The following IGSF9B variants were observed in gnomAD, a reference collection of about 807,000 sequenced individuals.
The protein encoded by IGSF9B is protein turtle homolog B.
IGSF9B carries 48 observed loss-of-function variants against 143.7 expected under a neutral mutation model. The ratio of observed to expected loss-of-function variants is 0.33; its 90% CI spans 0.26 to 0.42. The LOEUF (loss-of-function observed/expected upper bound fraction) is 0.42. IGSF9B is among the 20% of genes least tolerant of loss of function. IGSF9B has a pLI of 1.00. For missense variants in IGSF9B, 1,706 were observed against 1,980.0 expected (o/e 0.86, Z 2.63); for synonymous variants, 903 against 833.1 (o/e 1.08, Z -1.44).
chr11:133,952,083 C>T (rs752746796), intron 1 of IGSF9B: 17 of 455,104 alleles, frequency 3.7e-5, no homozygotes, highest in South Asian at 2.6e-4. Context: ...GCTGAGACTC[C>T]TCCCAGCTCT....
rs1939856495 is a variant in IGSF9B, at chr11:133,937,940, G to A, written c.431C>T (p.Thr144Ile). The change falls in exon 4 of 20, where the codon ACA becomes ATA. Residue 144 changes from threonine (T) to isoleucine (I), a missense_variant. This residue lies in a region of IGSF9B where 171 missense variants were observed against 213.9 expected (regional missense o/e 0.80). Transcript: ENST00000533871. The part of the protein sequence containing the change: ...TINAPPTFTE[T>I]PPQYIEAKEG... ...CTTGGCCTCGATGTACTGGGGGGGT[G>A]TTTCTGTAAAGGTGGGAGGGGCTGC... is the stretch of plus-strand genomic sequence containing the variant. 1 of 1,613,476 alleles carries A rather than the reference G, an allele frequency of 6.2e-7. No homozygotes were observed. Among genetic ancestry groups the A allele is most frequent in the East Asian group, 2.2e-5 (1 of 44,858 alleles).
chr11:133,949,762 G>A (rs2121346143), intron 1 of IGSF9B, among the ~76,000 whole-genome samples: 1 of 152,054 alleles, frequency 6.6e-6, no homozygotes, highest in South Asian at 2.1e-4. Flanking sequence ...GGGAGGAAGA[G>A]AGGAAGGGGA....
At chr11:133,921,718 C>T (rs1939542462) in intron 17 of IGSF9B, among the ~76,000 whole-genome samples, 1 of 152,096 alleles carries the variant, frequency 6.6e-6, no homozygotes, top group South Asian at 2.1e-4. Flanking sequence ...CATCATCCGT[C>T]TTTCCAGTGA....
chr11:133,915,240 A>G (rs1195772148), intron 18 of IGSF9B, among the ~76,000 whole-genome samples: 1 of 146,990 alleles, frequency 6.8e-6, no homozygotes, highest in Non-Finnish European at 1.5e-5. Context: ...ACTACCAACA[A>G]TTGCCTGGAA....
intron 7 of IGSF9B, among the ~76,000 whole-genome samples, chr11:133,935,190 G>A (rs1450695388): frequency 3.9e-5 from 6 of 152,218 alleles, no homozygotes; most frequent in Non-Finnish European, 2.9e-5. Flanking sequence ...GGTGTGGAAA[G>A]GCAGGGAGTA....
In IGSF9B at chr11:133,906,659, C is replaced by G. The variant is rs1939214282; in HGVS notation, c.*2410G>C. ...CTCATGACATCCGAAAGAAGCAAAGCCTTCTACCTCATCATCTCCTCTTCT... is the reference window on the plus strand; with the variant it reads ...CTCATGACATCCGAAAGAAGCAAAGGCTTCTACCTCATCATCTCCTCTTCT... On this transcript the variant is annotated 3_prime_UTR_variant, in exon 20 of 20. Coordinates refer to ENST00000533871, the MANE Select transcript of IGSF9B (RefSeq NM_001277285.4). Among the ~76,000 whole-genome samples, 1 of 152,202 alleles carries G rather than the reference C, an allele frequency of 6.6e-6. No individual in the cohort carries two copies. Among genetic ancestry groups the G allele is most frequent in the African/African-American group, 2.4e-5 (1 of 41,452 alleles).
At chr11:133,921,434 G>A (rs1359188697) in intron 17 of IGSF9B, 37 bp from the exon 18 acceptor site, 1 of 1,423,436 alleles carries the variant, frequency 7.0e-7, no homozygotes, top group Non-Finnish European at 9.2e-7. Flanking sequence ...GGGATGAGGT[G>A]GGGCAGTGTG....
chr11:133,934,112 G>A (rs1939780643), intron 7 of IGSF9B, among the ~76,000 whole-genome samples: 1 of 151,828 alleles, frequency 6.6e-6, no homozygotes. Flanking sequence ...GATTTTCTTT[G>A]AAGACAGGAA....
rs1048409039 is a variant in IGSF9B, at chr11:133,909,121, G to A, written c.4262C>T (p.Ala1421Val). 1.3e-6 allele frequency: 2 copies of A among 1,535,788 alleles called. No homozygotes were observed. The highest frequency in any genetic ancestry group is 2.0e-5 in the Admixed American group (1 of 50,976). The change falls in exon 20 of 20, where the codon GCG (alanine) becomes GTG (valine). Residue 1421 changes from alanine (A) to valine (V), a missense_variant. Coordinates refer to ENST00000533871, the MANE Select transcript of IGSF9B (RefSeq NM_001277285.4). This position sits in a 1 kb window ranked among gnomAD's most constrained non-coding sequence, Gnocchi z 4.2. ...CHRQLPEDQT[A>V]ILNSVDHDDP... ...ATCGTGGTCCACACTGTTGAGAATC[G>A]CTGTCTGGTCTTCCGGAAGCTGGCG...
At chr11:133,914,336 G>A (rs372578872) in intron 18 of IGSF9B, among the ~76,000 whole-genome samples, 5 of 152,082 alleles carry the variant, frequency 3.3e-5, no homozygotes, top group Middle Eastern at 3.4e-3. Context: ...CCCTTCCAGC[G>A]TCTTCCCAAT....
chr11:133,946,940 G>A (rs969383111), intron 1 of IGSF9B, among the ~76,000 whole-genome samples: 1 of 152,198 alleles, frequency 6.6e-6, no homozygotes, highest in African/African-American at 2.4e-5. Flanking sequence ...AGTTCTGCCA[G>A]CCCTGCCGCA....
Position 133,912,121 on chromosome 11 carries a change from C to A in IGSF9B, c.3984-114G>T, listed in dbSNP as rs560470024. 1.7e-4 allele frequency: 222 copies of A among 1,309,360 alleles called. No homozygotes were observed. In the African/African-American group the frequency reaches 2.8e-3, roughly 16 times the overall value. The allele number at this position is 1,309,360 out of a possible 1,614,324, so 81.1% of individuals were successfully genotyped here. A position where few individuals can be genotyped will look rare whatever the true frequency, so the allele number is the denominator to read the frequency against. Reference sequence around the variant, plus strand: ...CACAGAAGGACAGAGTTCAGTCCTACAGAGCCCAAGGTGCCCACGATGGCT... The same window carrying A: ...CACAGAAGGACAGAGTTCAGTCCTAAAGAGCCCAAGGTGCCCACGATGGCT... On this transcript the variant is annotated intron_variant, in intron 18 of 19. Coordinates refer to ENST00000533871, the MANE Select transcript of IGSF9B (RefSeq NM_001277285.4).
chr11:133,944,155 C>T, intron 3 of IGSF9B, 65 bp downstream of exon 3: 7 of 1,516,870 alleles, frequency 4.6e-6, no homozygotes, highest in African/African-American at 2.8e-5. Flanking sequence ...GGCAGGCCCA[C>T]CCCGGAAACA....
Position 133,902,432 on chromosome 11 carries a change from C to T in IGSF9B, c.*6637G>A, listed in dbSNP as rs1939150640. Among the ~76,000 whole-genome samples, 1 of 69,328 alleles carries T rather than the reference C, an allele frequency of 1.4e-5. No homozygotes were observed. Among genetic ancestry groups the T allele is most frequent in the African/African-American group, 3.5e-5 (1 of 28,546 alleles). 45.5% of individuals were successfully genotyped at this position (69,328 alleles called of 152,430 possible). On this transcript the variant is annotated 3_prime_UTR_variant, in exon 20 of 20. Coordinates refer to ENST00000533871, the MANE Select transcript of IGSF9B (RefSeq NM_001277285.4). The stretch of plus-strand genomic sequence containing the variant: ...TACCACACACAATACACACACCACA[C>T]CACACACACCACCCAGACACACCAC...
rs1940094202 is a variant in IGSF9B at position 133,948,245 on chromosome 11, TCCCCTG to T, written c.65-1993_65-1988del. Among the ~76,000 whole-genome samples the T allele has an allele frequency of 6.6e-6, 1 of 151,992 alleles. No homozygotes were observed. Among genetic ancestry groups the T allele is most frequent in the Non-Finnish European group, 1.5e-5 (1 of 68,000 alleles). On this transcript the variant is annotated intron_variant, in intron 1 of 19. Transcript: ENST00000533871. The surrounding 1 kb of genome is among the most constrained non-coding windows in gnomAD (Gnocchi z 4.7). The stretch of plus-strand genomic sequence containing the variant: ...GTGTGTCTTGTTCTCCCCCTCCCCC[TCCCCTG>T]CAAGTTGCGGAAGAGGGAGGAGGCA...
Position 133,904,005 on chromosome 11 carries a change from A to G in IGSF9B, c.*5064T>C, listed in dbSNP as rs984224885. On this transcript the variant is annotated 3_prime_UTR_variant, in exon 20 of 20. Coordinates refer to ENST00000533871, the MANE Select transcript of IGSF9B (RefSeq NM_001277285.4). The stretch of plus-strand genomic sequence containing the variant: ...AGAGAGAAGAATGGCTGGTCAAGCC[A>G]AGAGTTTCAGGTGAAACTCTTTTGC... Among the ~76,000 whole-genome samples the G allele has an allele frequency of 4.9e-4, 75 of 152,350 alleles. No individual in the cohort carries two copies. The highest frequency in any genetic ancestry group is 9.0e-4 in the Non-Finnish European group (61 of 68,034).
At chr11:133,937,202 A>G (rs329636) in intron 5 of IGSF9B, among the ~76,000 whole-genome samples, 174 bp downstream of exon 5, 104,908 of 152,116 alleles carry the variant, frequency 0.69, 36,486 homozygotes, top group Middle Eastern at 0.77. Flanking sequence ...CAGCCGGTGC[A>G]GGAGCTCTGA....
rs753023084 is a variant in IGSF9B at position 133,932,122 on chromosome 11, C to G, written c.1059G>C (p.Pro353=). ...CCTTGTTCCACTTGACCACGGTGGC[C>G]GGTGGTTCTGCGTCCACAGGGCAGC... ...YIRCPVDAEP[P]ATVVKWNKDG... The change falls in exon 8 of 20, where the codon CCG becomes CCC. Residue 353 remains proline (P), a synonymous_variant. Coordinates refer to ENST00000533871, the MANE Select transcript of IGSF9B (RefSeq NM_001277285.4). The G allele has an allele frequency of 6.2e-7, 1 of 1,613,706 alleles. No homozygotes were observed. The highest frequency in any genetic ancestry group is 1.1e-5 in the South Asian group (1 of 91,004).
intron 1 of IGSF9B, among the ~76,000 whole-genome samples, chr11:133,951,314 T>G (rs1940154824): frequency 6.6e-6 from 1 of 152,296 alleles, no homozygotes; most frequent in Non-Finnish European, 1.5e-5. Flanking sequence ...TCAGAGCATT[T>G]CCACCCTTCA....
Sources: gnomAD v4.1 joint callset for allele counts (sites outside exome capture counted in the v4.1 genomes callset) on GRCh38, gnomAD v4.1.1 for gene constraint, gnomAD v4.1.1 regional missense constraint, Gnocchi (gnomAD v3.1) non-coding constraint, MANE v1.5 for transcripts, NCBI Gene and HGNC (gene_info 2026-07-23, HGNC 2026-07-21) for gene names.